THBS4: variants seen among roughly 807,000 people sequenced by gnomAD.
THBS4 encodes thrombospondin-4.
In THBS4, 90 loss-of-function variants were observed where a neutral mutation model predicts 115.7. That is an observed-to-expected ratio of 0.78 (90% CI 0.66 to 0.93). The LOEUF (loss-of-function observed/expected upper bound fraction) is 0.93. Among genes scored for constraint, THBS4 ranks in the 40% least tolerant of loss-of-function variants. The pLI is 0.00. For synonymous variants in THBS4, 460 were observed against 479.3 expected, an observed-to-expected ratio of 0.96 and a Z score of 0.53; for missense variants, 1,087 against 1,232.7, an observed-to-expected ratio of 0.88 and a Z score of 1.77.
Position 80,035,630 on chromosome 5 carries a change from G to A in THBS4, c.88+5G>A, listed in dbSNP as rs1156498019. 4 of 1,352,056 alleles carry A rather than the reference G, an allele frequency of 3.0e-6. No homozygotes were observed. The highest frequency in any genetic ancestry group is 3.0e-5 in the East Asian group (1 of 33,252). The allele number at this position is 1,352,056 out of a possible 1,614,324, so 83.8% of individuals were successfully genotyped here. A position where few individuals can be genotyped will look rare whatever the true frequency, so the allele number is the denominator to read the frequency against. On this transcript the variant is annotated splice_donor_5th_base_variant and intron_variant, in intron 1 of 21. Transcript: ENST00000350881. This position sits in a 1 kb window ranked among gnomAD's most constrained non-coding sequence, Gnocchi z 4.6. ...GCGCCCAGGCCACCCCCCAGGGTAAGTGGGTTCGGGTCGGGCCTGGGAGCG... is the reference window on the plus strand; with the variant it reads ...GCGCCCAGGCCACCCCCCAGGGTAAATGGGTTCGGGTCGGGCCTGGGAGCG...
At chr5:80,081,989 C>G (rs1197484841) in intron 20 of THBS4, 1 of 158,378 alleles carries the variant, frequency 6.3e-6, no homozygotes, top group African/African-American at 2.4e-5. Context: ...ATAAATCAGA[C>G]CAAAGGAAAA....
At chr5:80,001,621 G>A (rs1003135183) in intron 2 of THBS4, among the ~76,000 whole-genome samples, 1 of 152,190 alleles carries the variant, frequency 6.6e-6, no homozygotes, top group Non-Finnish European at 1.5e-5. Flanking sequence ...TCCTGGAGGA[G>A]GTGTACCAGG....
In THBS4 at chr5:80,072,557, G is replaced by A. The variant is rs1278278906; in HGVS notation, c.1839+161G>A. On this transcript the variant is annotated intron_variant, in intron 14 of 21. Transcript: ENST00000350881. ...GACACACTGTGGGCCTGAAGATGGT[G>A]GGATGAACACCACACAAGATCTGAA... 4 of 682,138 alleles carry A rather than the reference G, an allele frequency of 5.9e-6. No homozygotes were observed. In the East Asian group the frequency reaches 1.0e-4, roughly 17 times the overall value. The allele number at this position is 682,138 out of a possible 1,614,324, so 42.3% of individuals were successfully genotyped here. A position where few individuals can be genotyped will look rare whatever the true frequency, so the allele number is the denominator to read the frequency against.
intron 2 of THBS4, among the ~76,000 whole-genome samples, chr5:80,022,796 T>A (rs1441050372): frequency 1.1e-4 from 16 of 152,224 alleles, no homozygotes; most frequent in Admixed American, 1.0e-3. Context: ...GCAGTACATC[T>A]CTTTTTTCAT....
rs190827024 is a variant in THBS4, at chr5:80,025,991, A to T, written n.178-14086A>T. Among the ~76,000 whole-genome samples the T allele has an allele frequency of 3.3e-5, 5 of 152,340 alleles. No homozygotes were observed. The East Asian group carries it at 9.6e-4, about 29-fold the overall frequency. ...ACAGGGAAATCCTATTGTGAGGATT[A>T]TATAGGTCGGAAAGTCATTTTTAAC... is the stretch of plus-strand genomic sequence containing the variant. On this transcript the variant is annotated intron_variant and non_coding_transcript_variant, in intron 2 of 3. Coordinates refer to the THBS4 transcript ENST00000510218.
chr5:80,021,009 CA>C (rs1367036417), intron 2 of THBS4, among the ~76,000 whole-genome samples: 1 of 152,150 alleles, frequency 6.6e-6, no homozygotes, highest in Non-Finnish European at 1.5e-5. Context: ...TGAATTAACA[CA>C]AGAGTTCAAG....
intron 2 of THBS4, among the ~76,000 whole-genome samples, chr5:80,009,643 A>G (rs956850567): frequency 1.6e-5 from 2 of 127,306 alleles, no homozygotes; most frequent in Non-Finnish European, 3.4e-5. Flanking sequence ...TCTACTTCCA[A>G]TGAAGAAAAA....
chr5:80,029,285 C>G (rs1012217329), intron 2 of THBS4, among the ~76,000 whole-genome samples: 2 of 152,156 alleles, frequency 1.3e-5, no homozygotes, highest in Admixed American at 1.3e-4. Context: ...AGGGATATTC[C>G]TGGCACGATA....
At chr5:79,995,692 G>A (rs1192600707) in intron 1 of THBS4, among the ~76,000 whole-genome samples, 4 of 152,190 alleles carry the variant, frequency 2.6e-5, no homozygotes, top group Non-Finnish European at 4.4e-5. Context: ...CATTGAAAAT[G>A]AGAGACATGC....
Position 80,080,197 on chromosome 5 carries a change from G to C in THBS4, c.2684+120G>C, listed in dbSNP as rs1291142373. The C allele has an allele frequency of 3.2e-6, 4 of 1,232,120 alleles. No individual in the cohort carries two copies. In the African/African-American group the frequency reaches 6.1e-5, roughly 19 times the overall value. The allele number at this position is 1,232,120 out of a possible 1,614,324, so 76.3% of individuals were successfully genotyped here. ...TAGGATAGTCCCCAAGGACATGCCAGGACTTTTGTGACCGCAGGATGGGGA... is the reference window on the plus strand; with the variant it reads ...TAGGATAGTCCCCAAGGACATGCCACGACTTTTGTGACCGCAGGATGGGGA... On this transcript the variant is annotated intron_variant, in intron 20 of 21. Transcript: ENST00000350881.
chr5:80,054,097 A>G (rs1230550329), intron 2 of THBS4, among the ~76,000 whole-genome samples: 1 of 152,110 alleles, frequency 6.6e-6, no homozygotes, highest in Non-Finnish European at 1.5e-5. Flanking sequence ...AAACAAAAAC[A>G]AAAACAGAAA....
intron 2 of THBS4, among the ~76,000 whole-genome samples, chr5:80,014,954 A>C (rs1450224814): frequency 6.6e-6 from 1 of 152,244 alleles, no homozygotes; most frequent in African/African-American, 2.4e-5. Context: ...TTCTTTGATA[A>C]TTTTATTTCA....
intron 9 of THBS4, chr5:80,067,686 C>G: frequency 6.9e-6 from 2 of 289,472 alleles, no homozygotes; most frequent in South Asian, 1.0e-4. Flanking sequence ...CCCCTATGCC[C>G]TCCACGGTGG....
intron 4 of THBS4, 54 bp from the exon 5 acceptor site, chr5:80,058,654 C>G: frequency 6.5e-7 from 1 of 1,549,268 alleles, no homozygotes; most frequent in African/African-American, 1.4e-5. Context: ...TTTTGAGTCA[C>G]TTAGAAATGA....
At chr5:80,045,339 A>C (rs256444) in intron 2 of THBS4, among the ~76,000 whole-genome samples, 35,964 of 151,976 alleles carry the variant, frequency 0.24, 4,695 homozygotes, top group African/African-American at 0.34. Flanking sequence ...TAATGACCAG[A>C]GAGTGTCAGT....
At chr5:79,999,819 T>G (rs1831861760) in intron 2 of THBS4, among the ~76,000 whole-genome samples, 1 of 152,204 alleles carries the variant, frequency 6.6e-6, no homozygotes, top group Non-Finnish European at 1.5e-5. Context: ...TTATGGAAAT[T>G]CCTCTTGAAA....
chr5:80,013,042 T>C (rs565274732), intron 2 of THBS4, among the ~76,000 whole-genome samples: 1 of 152,338 alleles, frequency 6.6e-6, no homozygotes, highest in East Asian at 1.9e-4. Flanking sequence ...CAGCTGCATA[T>C]CGGCAAGGCC....
upstream of THBS4, among the ~76,000 whole-genome samples, chr5:80,032,901 CA>C (rs1383298540): frequency 1.3e-5 from 2 of 152,154 alleles, no homozygotes; most frequent in Non-Finnish European, 2.9e-5. Context: ...TCAATCCAGT[CA>C]AGTTGACACT....
rs1834092933 is a variant in THBS4, at chr5:80,072,311, T to A, written c.1754T>A (p.Phe585Tyr). 6.2e-7 allele frequency: 1 copy of A among 1,614,182 alleles called. No homozygotes were observed. The highest frequency in any genetic ancestry group is 2.2e-5 in the East Asian group (1 of 44,890). Residue 585 changes from phenylalanine (F) to tyrosine (Y), a missense_variant, in exon 14 of 22, where the codon TTT (phenylalanine) becomes TAT (tyrosine). By Grantham distance (22) the Phe-to-Tyr change is conservative (BLOSUM62 3). This residue lies in a region of THBS4 where 979 missense variants were observed against 1,103.7 expected (regional missense o/e 0.89). Transcript: ENST00000350881. ...IKNILDNCPKFPNRDQRDKDG... is the reference protein window; with the variant it reads ...IKNILDNCPKYPNRDQRDKDG... Reference sequence around the variant, plus strand: ...AACATTCTGGACAACTGCCCAAAATTTCCCAATCGTGACCAACGGGACAAG... The same window carrying A: ...AACATTCTGGACAACTGCCCAAAATATCCCAATCGTGACCAACGGGACAAG...
Sources: gnomAD v4.1 joint callset for allele counts (sites outside exome capture counted in the v4.1 genomes callset) on GRCh38, gnomAD v4.1.1 for gene constraint, gnomAD v4.1.1 regional missense constraint, Gnocchi (gnomAD v3.1) non-coding constraint, MANE v1.5 for transcripts, NCBI Gene and HGNC (gene_info 2026-07-23, HGNC 2026-07-21) for gene names.